SIRT1: variants seen among roughly 807,000 people sequenced by gnomAD.
SIRT1 encodes the protein NAD-dependent protein deacetylase sirtuin-1.
A neutral mutation model predicts 67.9 loss-of-function variants in SIRT1; 24 were observed. The ratio of observed to expected loss-of-function variants is 0.35; its 90% confidence interval spans 0.26 to 0.50. SIRT1 has a LOEUF of 0.50. Ranked by LOEUF, SIRT1 falls within the 20% of genes least tolerant of loss-of-function variation. The pLI, the probability that SIRT1 is intolerant of heterozygous loss-of-function variation, is 0.98. For missense variants in SIRT1, 873 were observed against 937.2 expected (o/e 0.93, Z 0.89); for synonymous variants, 378 against 350.7 (o/e 1.08, Z -0.87).
At chr10:67,885,733 C>G (rs1415375212) in intron 1 of SIRT1, among the ~76,000 whole-genome samples, 1 of 152,072 alleles carries the variant, frequency 6.6e-6, no homozygotes, top group African/African-American at 2.4e-5. Flanking sequence ...GAAGACATTA[C>G]CATTCTGTAA....
intron 5 of SIRT1, among the ~76,000 whole-genome samples, chr10:67,907,669 T>C (rs1301407168): frequency 2.0e-5 from 3 of 152,114 alleles, no homozygotes; most frequent in African/African-American, 7.2e-5. Flanking sequence ...GTATCTAAAG[T>C]GTTTCTAAGA....
chr10:67,887,968 C>T (rs893822501), intron 2 of SIRT1, among the ~76,000 whole-genome samples: 1 of 152,222 alleles, frequency 6.6e-6, no homozygotes, highest in African/African-American at 2.4e-5. Flanking sequence ...TTATTGTACA[C>T]TTACCACTTC....
At position 67,912,887 on chromosome 10, in the gene SIRT1, A is replaced by G. The variant is rs370128548; in HGVS notation, c.1771A>G (p.Ile591Val). The G allele has an allele frequency of 6.2e-7, 1 of 1,614,180 alleles. No homozygotes were observed. Among genetic ancestry groups the G allele is most frequent in the Non-Finnish European group, 8.5e-7 (1 of 1,180,032 alleles). Residue 591 changes from isoleucine to valine, a missense_variant, in exon 8 of 9, where the codon ATT becomes GTT. Coordinates refer to ENST00000212015, the MANE Select transcript of SIRT1 (RefSeq NM_012238.5). ...ACAAACTTCTAGGAATGTTGAAAGT[A>G]TTGCTGAACAGATGGAAAATCCGGA... is the stretch of plus-strand genomic sequence containing the variant. Reference protein sequence around the residue: ...EVQTSRNVESIAEQMENPDLK... With the variant: ...EVQTSRNVESVAEQMENPDLK...
At chr10:67,907,109 T>G (rs971774318) in intron 5 of SIRT1, among the ~76,000 whole-genome samples, 172 bp downstream of exon 5, 5 of 151,942 alleles carry the variant, frequency 3.3e-5, no homozygotes, top group Non-Finnish European at 7.4e-5. Flanking sequence ...AACAGAAGTA[T>G]TGGCCTTGAC....
chr10:67,903,782 G>A (rs1192833377), intron 4 of SIRT1, among the ~76,000 whole-genome samples: 1 of 152,182 alleles, frequency 6.6e-6, no homozygotes, highest in African/African-American at 2.4e-5. Context: ...ACAGCTATGT[G>A]AAAGCAGGGT....
intron 8 of SIRT1, among the ~76,000 whole-genome samples, chr10:67,914,879 AT>A (rs11309410): frequency 0.89 from 107,062 of 120,458 alleles, 47,876 homozygotes; most frequent in East Asian, 0.97. Flanking sequence ...ATGCTCAGCT[AT>A]TTTTTTTTTT....
intron 4 of SIRT1, among the ~76,000 whole-genome samples, chr10:67,899,320 A>G (rs546742195): frequency 6.6e-6 from 1 of 151,070 alleles, no homozygotes; most frequent in East Asian, 1.9e-4. Flanking sequence ...AAAAAGTTAT[A>G]TAAATATATA....
rs533676395 is a variant in SIRT1, at chr10:67,910,700, A to T, written c.1357+1258A>T. Among the ~76,000 whole-genome samples, 3 of 152,318 alleles carry T rather than the reference A, an allele frequency of 2.0e-5. No individual in the cohort carries two copies. In the South Asian group the frequency reaches 6.2e-4, roughly 32 times the overall value. On this transcript the variant is annotated intron_variant, in intron 7 of 8. Transcript: ENST00000212015. ...GTAACAGCCATGCCATAACGGTGAT[A>T]TGTCGATATAGTTTACCCAAAAGGG...
chr10:67,912,918 A>G lies in SIRT1; in HGVS notation c.1802A>G (p.Lys601Arg), dbSNP rs765178020. 1.9e-6 allele frequency: 3 copies of G among 1,614,210 alleles called. No individual in the cohort carries two copies. The South Asian group carries it at 3.3e-5, about 18-fold the overall frequency. ...GAACAGATGGAAAATCCGGATTTGA[A>G]GAATGTTGGTTCTAGTACTGGGGAG... Reference protein sequence around the residue: ...IAEQMENPDLKNVGSSTGEKN... With the variant: ...IAEQMENPDLRNVGSSTGEKN... The change falls in exon 8 of 9, where the codon AAG becomes AGG. Residue 601 changes from lysine to arginine, a missense_variant. Lys to Arg is a conservative substitution (Grantham distance 26). Transcript: ENST00000212015.
At chr10:67,887,314 A>T (rs1229063936) in intron 1 of SIRT1, 103 bp from the exon 2 acceptor site, 26 of 733,582 alleles carry the variant, frequency 3.5e-5, no homozygotes, top group Admixed American at 5.8e-5. Context: ...CGCCGTGTAA[A>T]TGTTAAATGC....
chr10:67,893,460 A>G (rs150471047), intron 4 of SIRT1, among the ~76,000 whole-genome samples: 46 of 151,122 alleles, frequency 3.0e-4, no homozygotes, highest in Middle Eastern at 3.5e-3. Context: ...GGAGTCTTGT[A>G]TTAGTGGCTT....
At chr10:67,901,779 T>C (rs932939734) in intron 4 of SIRT1, among the ~76,000 whole-genome samples, 14 of 152,228 alleles carry the variant, frequency 9.2e-5, no homozygotes, top group African/African-American at 3.1e-4. Flanking sequence ...CTCCATGTTT[T>C]TGTATAGGCT....
At chr10:67,889,405 C>A (rs1385771189) in intron 3 of SIRT1, among the ~76,000 whole-genome samples, 3 of 152,136 alleles carry the variant, frequency 2.0e-5, no homozygotes, top group African/African-American at 7.2e-5. Context: ...AAAGGAGATG[C>A]AGGGAATTGA....
At chr10:67,892,536 ACTCC>A in intron 4 of SIRT1, among the ~76,000 whole-genome samples, 1 of 151,228 alleles carries the variant, frequency 6.6e-6, no homozygotes, top group African/African-American at 2.4e-5. Context: ...CTGCCATTGC[ACTCC>A]ACCCTGGGCA....
intron 3 of SIRT1, 144 bp from the exon 4 acceptor site, chr10:67,891,258 T>C (rs897973684): frequency 3.2e-6 from 2 of 623,808 alleles, no homozygotes; most frequent in Non-Finnish European, 5.5e-6. Context: ...GAAATAAGGG[T>C]AGGGTTGTAT....
chr10:67,896,489 A>G (rs1842660153), intron 4 of SIRT1, among the ~76,000 whole-genome samples: 1 of 152,074 alleles, frequency 6.6e-6, no homozygotes. Flanking sequence ...TGTGCGTTGT[A>G]GGATGTTTGG....
rs754481257 is a variant in SIRT1, at chr10:67,912,958, T to C, written c.1842T>C (p.Thr614=). The change falls in exon 8 of 9, where the codon ACT becomes ACC. Residue 614 remains threonine (T), a synonymous_variant. Coordinates refer to ENST00000212015, the MANE Select transcript of SIRT1 (RefSeq NM_012238.5). The stretch of plus-strand genomic sequence containing the variant: ...GTACTGGGGAGAAAAATGAAAGAAC[T>C]TCAGTGGCTGGAACAGTGAGAAAAT... ...GSSTGEKNER[T]SVAGTVRKCW... is the part of the protein sequence containing the mutation. 6.2e-7 allele frequency: 1 copy of C among 1,614,082 alleles called. No homozygotes were observed. Among genetic ancestry groups the C allele is most frequent in the Non-Finnish European group, 8.5e-7 (1 of 1,180,008 alleles).
At chr10:67,906,045 A>G (rs1056643104) in intron 4 of SIRT1, 2 of 851,878 alleles carry the variant, frequency 2.3e-6, no homozygotes, top group Non-Finnish European at 3.2e-6. Flanking sequence ...TTCCTTTGCC[A>G]TAGTCACTTA....
Position 67,888,862 on chromosome 10 carries a change from C to G in SIRT1, c.548-20C>G. The G allele has an allele frequency of 6.4e-7, 1 of 1,573,454 alleles. No individual in the cohort carries two copies. The highest frequency in any genetic ancestry group is 1.4e-5 in the African/African-American group (1 of 73,628). On this transcript the variant is annotated intron_variant, in intron 2 of 8. Coordinates refer to ENST00000212015, the MANE Select transcript of SIRT1 (RefSeq NM_012238.5). ...AATTACTTGATAAGTTGACTTTAAG[C>G]CTTTTCCCCCTTATTGTAGGTCCAT... is the stretch of plus-strand genomic sequence containing the variant.
Sources: gnomAD v4.1 joint callset for allele counts (sites outside exome capture counted in the v4.1 genomes callset) on GRCh38, gnomAD v4.1.1 for gene constraint, MANE v1.5 for transcripts, NCBI Gene and HGNC (gene_info 2026-07-23, HGNC 2026-07-21) for gene names.